The following GLT1D1 variants were observed in gnomAD, a reference collection of about 807,000 sequenced individuals.
GLT1D1 encodes glycosyltransferase 1 domain containing 1, also known as glycosyltransferase 1 domain-containing protein 1.
A neutral mutation model predicts 28.7 loss-of-function variants in GLT1D1; 21 were observed. The ratio of observed to expected loss-of-function variants is 0.73; its 90% CI spans 0.52 to 1.05. The LOEUF is 1.05. Ranked by LOEUF, GLT1D1 falls within the 50% of genes least tolerant of loss-of-function variation. The pLI is 0.00. For synonymous variants in GLT1D1, 147 were observed against 124.8 expected, an observed-to-expected ratio of 1.18 and a Z score of -1.19; for missense variants, 343 against 330.6, an observed-to-expected ratio of 1.04 and a Z score of -0.29.
intron 3 of GLT1D1, among the ~76,000 whole-genome samples, chr12:128,889,313 C>T (rs1325911319): frequency 2.6e-5 from 4 of 152,308 alleles, no homozygotes; most frequent in African/African-American, 9.6e-5. Flanking sequence ...GGGTCACCAA[C>T]AGGATTTCTA....
At chr12:128,930,856 G>T (rs1367687350) in intron 4 of GLT1D1, among the ~76,000 whole-genome samples, 1 of 152,168 alleles carries the variant, frequency 6.6e-6, no homozygotes, top group African/African-American at 2.4e-5. Flanking sequence ...TGCCGGTGAG[G>T]GAGCAGGTGC....
At chr12:128,877,818 A>G (rs1956908868) in intron 2 of GLT1D1, among the ~76,000 whole-genome samples, 1 of 152,222 alleles carries the variant, frequency 6.6e-6, no homozygotes, top group South Asian at 2.1e-4. Context: ...ATTCAAAAGC[A>G]GCTTAGCTGG....
chr12:128,971,915 C>A (rs1457421362), intron 7 of GLT1D1, among the ~76,000 whole-genome samples: 1 of 138,626 alleles, frequency 7.2e-6, no homozygotes, highest in Non-Finnish European at 1.5e-5. Context: ...CCTCATCGTT[C>A]CGCATTAGTG....
intron 7 of GLT1D1, among the ~76,000 whole-genome samples, chr12:128,963,848 G>A (rs938174466): frequency 3.3e-5 from 5 of 152,176 alleles, no homozygotes; most frequent in Non-Finnish European, 5.9e-5. Flanking sequence ...TGGGTGGTGC[G>A]CAGATGGCAG....
rs535022664 is a variant in GLT1D1 at position 128,888,703 on chromosome 12, G to A, written c.282G>A (p.Ala94=). Residue 94 remains alanine (A), a synonymous_variant, in exon 3 of 8, where the codon GCG becomes GCA. Transcript: ENST00000281703. ...ATGTAAATGAAGATGCCAACCAGGC[G>A]GAAAAAAACACAGTCATGGGCAGAG... 22 of 1,613,614 alleles carry A rather than the reference G, an allele frequency of 1.4e-5. No individual in the cohort carries two copies. Among genetic ancestry groups the A allele is most frequent in the East Asian group, 4.5e-5 (2 of 44,880 alleles).
chr12:128,956,158 C>CAAAAAAAAAAAAAAAAAAAAAA lies in GLT1D1; in HGVS notation c.541-1373_541-1372insAAAAAAAAAAAAAAAAAAAAAA, dbSNP rs1555219265. On this transcript the variant is annotated intron_variant, in intron 6 of 7. Transcript: ENST00000281703. ...TGGGTGACAGAGCGAGACTCCATCT[C>CAAAAAAAAAAAAAAAAAAAAAA]AAAAAAAAAAAAAAGAGAAAGAGAG... Among the ~76,000 whole-genome samples, 11 of 7,456 alleles carry CAAAAAAAAAAAAAAAAAAAAAA rather than the reference C, an allele frequency of 1.5e-3. 1 individual carries two copies. Among genetic ancestry groups the CAAAAAAAAAAAAAAAAAAAAAA allele is most frequent in the Middle Eastern group, 0.045 (1 of 22 alleles). The allele number at this position is 7,456 out of a possible 152,430, so 4.9% of individuals were successfully genotyped here.
chr12:128,979,230 T>C (rs1359016973), intron 7 of GLT1D1, among the ~76,000 whole-genome samples: 1 of 152,190 alleles, frequency 6.6e-6, no homozygotes, highest in Non-Finnish European at 1.5e-5. Context: ...ATGTAACAAA[T>C]CACCACAAAC....
At chr12:128,966,423 A>T (rs1489891461) in intron 7 of GLT1D1, among the ~76,000 whole-genome samples, 1 of 152,176 alleles carries the variant, frequency 6.6e-6, no homozygotes, top group Non-Finnish European at 1.5e-5. Context: ...AGGTAACTTG[A>T]GTCCCCAGCC....
chr12:128,935,123 G>A (rs752777631), intron 4 of GLT1D1, among the ~76,000 whole-genome samples: 12 of 152,224 alleles, frequency 7.9e-5, no homozygotes, highest in Admixed American at 5.9e-4. Flanking sequence ...GGCGGGGTGC[G>A]GGCTGTGTGG....
chr12:128,858,341 T>C (rs891822091), intron 1 of GLT1D1, among the ~76,000 whole-genome samples: 1 of 152,212 alleles, frequency 6.6e-6, no homozygotes, highest in Non-Finnish European at 1.5e-5. Context: ...GAAATGGCCC[T>C]GCAGAGCCAT....
intron 4 of GLT1D1, among the ~76,000 whole-genome samples, chr12:128,900,982 A>T (rs753575305): frequency 3.3e-5 from 5 of 152,150 alleles, no homozygotes; most frequent in Non-Finnish European, 7.3e-5. Context: ...TTTTCAAACC[A>T]GTGGTTACCA....
At chr12:128,888,930 G>T (rs912788141) in intron 3 of GLT1D1, among the ~76,000 whole-genome samples, 186 bp downstream of exon 3, 4 of 152,194 alleles carry the variant, frequency 2.6e-5, no homozygotes, top group Non-Finnish European at 5.9e-5. Context: ...ATTGCTAACA[G>T]GTTATTGCAC....
At chr12:128,977,779 CTT>C (rs1163954822) in intron 7 of GLT1D1, among the ~76,000 whole-genome samples, 2,554 of 22,924 alleles carry the variant, frequency 0.11, 72 homozygotes, top group African/African-American at 0.17. Flanking sequence ...TTTCTTTTTT[CTT>C]TTTTTTTTTT....
intron 7 of GLT1D1, among the ~76,000 whole-genome samples, chr12:128,977,012 G>A (rs1054462003): frequency 6.6e-6 from 1 of 152,184 alleles, no homozygotes; most frequent in African/African-American, 2.4e-5. Flanking sequence ...CGGGCGTGGT[G>A]GCACAAGCCT....
chr12:128,868,202 C>T (rs1956595169), intron 1 of GLT1D1, among the ~76,000 whole-genome samples: 1 of 152,228 alleles, frequency 6.6e-6, no homozygotes, highest in Admixed American at 6.5e-5. Context: ...TCTCGCCAGC[C>T]CCTCCTGGGT....
At chr12:128,969,649 C>A (rs1031731196) in intron 7 of GLT1D1, among the ~76,000 whole-genome samples, 1 of 152,192 alleles carries the variant, frequency 6.6e-6, no homozygotes. Context: ...TCCTCCTGGC[C>A]GCCTCACTCC....
chr12:128,947,568 C>G (rs1876261028), intron 6 of GLT1D1, 110 bp downstream of exon 10: 1 of 1,249,178 alleles, frequency 8.0e-7, no homozygotes, highest in African/African-American at 1.5e-5. Context: ...CTTCTCAAAG[C>G]TAAAAAGGCC....
rs34911662 is a variant in GLT1D1 at position 128,954,288 on chromosome 12, A to ATT, written c.541-3243_541-3242dup. Among the ~76,000 whole-genome samples the ATT allele has an allele frequency of 1.0e-3, 140 of 139,012 alleles. 1 individual carries two copies. The highest frequency in any genetic ancestry group is 7.5e-3 in the Middle Eastern group (2 of 266). 91.2% of individuals were successfully genotyped at this position (139,012 alleles called of 152,430 possible). Reference sequence around the variant, plus strand: ...AGGCACCCACCACCACACCCGGCTAATTTTTTTTTTTTTTTGTATTTTTAG... The same window carrying ATT: ...AGGCACCCACCACCACACCCGGCTAATTTTTTTTTTTTTTTTTGTATTTTTAG... On this transcript the variant is annotated intron_variant, in intron 6 of 7. Transcript: ENST00000281703.
intron 4 of GLT1D1, among the ~76,000 whole-genome samples, chr12:128,900,440 G>A (rs965431704): frequency 6.6e-6 from 1 of 152,174 alleles, no homozygotes; most frequent in African/African-American, 2.4e-5. Flanking sequence ...GGTCTCTTCC[G>A]AAAGCTCGGG....
Sources: gnomAD v4.1 joint callset for allele counts (sites outside exome capture counted in the v4.1 genomes callset) on GRCh38, gnomAD v4.1.1 for gene constraint, MANE v1.5 for transcripts, NCBI Gene and HGNC (gene_info 2026-07-23, HGNC 2026-07-21) for gene names.